The following GNAQ variants were observed in gnomAD, a reference collection of about 807,000 sequenced individuals.
The protein encoded by GNAQ is G protein subunit alpha q.
Under a neutral mutation model 43.9 loss-of-function variants are expected in GNAQ, and 8 were observed. The ratio of observed to expected loss-of-function variants is 0.18; its 90% CI spans 0.11 to 0.33. The LOEUF (loss-of-function observed/expected upper bound fraction) is 0.33, where lower values mean the gene tolerates loss of function less well. Among genes scored for constraint, GNAQ ranks in the 10% least tolerant of loss-of-function variants. GNAQ has a pLI of 1.00. For synonymous variants in GNAQ, 155 were observed against 170.7 expected, an observed-to-expected ratio of 0.91 and a Z score of 0.71; for missense variants, 158 against 450.8, an observed-to-expected ratio of 0.35 and a Z score of 5.88.
At chr9:77,734,548 C>A (rs963555908) in intron 5 of GNAQ, among the ~76,000 whole-genome samples, 5 of 152,130 alleles carry the variant, frequency 3.3e-5, no homozygotes, top group African/African-American at 1.2e-4. Context: ...ATGAGCTGTT[C>A]TCAGCTGACC....
At chr9:77,794,924 T>C (rs1020390917) in intron 4 of GNAQ, among the ~76,000 whole-genome samples, 1 of 152,200 alleles carries the variant, frequency 6.6e-6, no homozygotes, top group African/African-American at 2.4e-5. Flanking sequence ...GAATGAGTTT[T>C]GTGTTAAGCC....
intron 1 of GNAQ, chr9:78,030,690 A>G: frequency 2.6e-6 from 1 of 391,232 alleles, no homozygotes; most frequent in Non-Finnish European, 5.4e-6. Flanking sequence ...CCACGCCACC[A>G]CCCCATGGGG....
intron 1 of GNAQ, among the ~76,000 whole-genome samples, chr9:78,007,275 C>G (rs1319607851): frequency 1.3e-5 from 2 of 149,632 alleles, no homozygotes; most frequent in Non-Finnish European, 3.0e-5. Context: ...AAGTAAAGAG[C>G]AATCTAAAAG....
intron 1 of GNAQ, among the ~76,000 whole-genome samples, chr9:77,925,499 C>G (rs1829058497): frequency 2.0e-5 from 3 of 152,206 alleles, no homozygotes; most frequent in African/African-American, 7.2e-5. Context: ...AGTTTTTCTC[C>G]CTTTAAGCTA....
intron 2 of GNAQ, among the ~76,000 whole-genome samples, chr9:77,846,690 A>G (rs1398607483): frequency 6.6e-6 from 1 of 152,162 alleles, no homozygotes; most frequent in African/African-American, 2.4e-5. Flanking sequence ...CTTTTAACCT[A>G]AATATAGTGA....
intron 1 of GNAQ, among the ~76,000 whole-genome samples, chr9:77,994,779 C>T (rs949217559): frequency 6.6e-6 from 1 of 152,186 alleles, no homozygotes; most frequent in African/African-American, 2.4e-5. Flanking sequence ...AAAGCCTAAA[C>T]CTCTACTTGA....
chr9:78,028,880 C>T (rs1587468830), intron 1 of GNAQ, among the ~76,000 whole-genome samples: 2 of 151,338 alleles, frequency 1.3e-5, no homozygotes, highest in South Asian at 4.2e-4. Flanking sequence ...TATATTACTA[C>T]AGAAATAGTG....
rs1826703598 is a variant in GNAQ, at chr9:77,799,090, G to A, written c.477-1442C>T. Among the ~76,000 whole-genome samples the A allele has an allele frequency of 2.0e-5, 3 of 152,134 alleles. No homozygotes were observed. In the South Asian group the frequency reaches 6.2e-4, roughly 32 times the overall value. ...AAAAATAATCTGAAATGTTGAGAAT[G>A]ACATAATATGATAGAATTGAGTGGT... On this transcript the variant is annotated intron_variant, in intron 3 of 6. Transcript: ENST00000286548.
chr9:77,797,481 T>C (rs1826676587), intron 4 of GNAQ, 39 bp downstream of exon 4: 1 of 1,552,950 alleles, frequency 6.4e-7, no homozygotes, highest in Non-Finnish European at 8.9e-7. Flanking sequence ...ACTCAAGGCA[T>C]AAAAGCTGGG....
At chr9:77,767,963 AG>A (rs1323742193) in intron 5 of GNAQ, among the ~76,000 whole-genome samples, 1 of 152,216 alleles carries the variant, frequency 6.6e-6, no homozygotes, top group Admixed American at 6.5e-5. Flanking sequence ...AAATTATCAA[AG>A]GAAATTATAT....
intron 2 of GNAQ, among the ~76,000 whole-genome samples, chr9:77,903,416 G>C (rs1381721501): frequency 6.6e-6 from 1 of 152,180 alleles, no homozygotes; most frequent in Non-Finnish European, 1.5e-5. Context: ...ACTTATGCAA[G>C]GGAGAGGATA....
chr9:77,983,843 C>G (rs879654238), intron 1 of GNAQ, among the ~76,000 whole-genome samples: 2 of 151,822 alleles, frequency 1.3e-5, no homozygotes, highest in Non-Finnish European at 1.5e-5. Flanking sequence ...TAGGAAGTCA[C>G]GGTCAGAACT....
chr9:77,807,201 T>C (rs1826842440), intron 3 of GNAQ, among the ~76,000 whole-genome samples: 1 of 152,150 alleles, frequency 6.6e-6, no homozygotes, highest in East Asian at 1.9e-4. Context: ...TCTTGGGAAG[T>C]GGGGAGTCAA....
chr9:77,872,524 A>G (rs543603950), intron 2 of GNAQ, among the ~76,000 whole-genome samples: 1 of 152,280 alleles, frequency 6.6e-6, no homozygotes, highest in South Asian at 2.1e-4. Context: ...TGTATAAAAA[A>G]CTGTTCCTGC....
rs1825251201 is a variant in GNAQ, at chr9:77,717,985, AGAAAC to A, written c.*3333_*3337del. The A allele has an allele frequency of 4.3e-6, 1 of 232,784 alleles. No individual in the cohort carries two copies. The highest frequency in any genetic ancestry group is 8.5e-6 in the Non-Finnish European group (1 of 117,814). 14.4% of individuals were successfully genotyped at this position (232,784 alleles called of 1,614,324 possible). Reference sequence around the variant, plus strand: ...GAATTTAAGCTCTGTAAGGCATAGTAGAAACTTCCAATTTACAAATAAGGAATTCT... The same window carrying A: ...GAATTTAAGCTCTGTAAGGCATAGTATTCCAATTTACAAATAAGGAATTCT... On this transcript the variant is annotated 3_prime_UTR_variant, in exon 7 of 7. Transcript: ENST00000286548.
intron 5 of GNAQ, among the ~76,000 whole-genome samples, chr9:77,787,993 C>T (rs538985007): frequency 1.4e-4 from 21 of 152,132 alleles, no homozygotes; most frequent in African/African-American, 3.4e-4. Flanking sequence ...ATCATGCCAC[C>T]GCACTCCAGC....
intron 1 of GNAQ, chr9:78,030,515 C>T (rs1475285601): frequency 2.1e-6 from 1 of 471,036 alleles, no homozygotes; most frequent in Admixed American, 2.4e-5. Context: ...GCTTCCTCAC[C>T]ATGAGTGCTC....
chr9:77,820,997 C>T (rs1827104701), intron 2 of GNAQ, among the ~76,000 whole-genome samples: 1 of 152,048 alleles, frequency 6.6e-6, no homozygotes, highest in Non-Finnish European at 1.5e-5. Context: ...ATTTATCGCT[C>T]ATGTGTTAGA....
chr9:77,948,738 T>A (rs1230090499), intron 1 of GNAQ, among the ~76,000 whole-genome samples: 3 of 152,154 alleles, frequency 2.0e-5, no homozygotes, highest in African/African-American at 7.2e-5. Context: ...CTGGGAAGCC[T>A]CCCTAGCATT....
Sources: allele counts gnomAD v4.1 joint callset (sites outside exome capture counted in the v4.1 genomes callset), GRCh38; gene constraint gnomAD v4.1.1; transcripts MANE v1.5; gene names NCBI Gene and HGNC (gene_info 2026-07-23, HGNC 2026-07-21).